Variants in DPYD observed in about 807,000 individuals in gnomAD.
The protein encoded by DPYD is dihydropyrimidine dehydrogenase.
In DPYD, 109 loss-of-function variants were observed where a neutral mutation model predicts 116.2. The observed-to-expected ratio is 0.94, with a 90% CI of 0.80 to 1.10. DPYD has a LOEUF of 1.10. Ranked by LOEUF, DPYD falls within the 50% of genes least tolerant of loss-of-function variation. The pLI, the probability that DPYD is intolerant of heterozygous loss-of-function variation, is 0.00. For synonymous variants in DPYD, 440 were observed against 432.0 expected (o/e 1.02, Z -0.23); for missense variants, 1,302 against 1,254.5 (o/e 1.04, Z -0.57).
At chr1:97,280,525 T>C (rs557084186) in intron 18 of DPYD, among the ~76,000 whole-genome samples, 18 of 152,010 alleles carry the variant, frequency 1.2e-4, no homozygotes, top group Admixed American at 1.1e-3. Context: ...ATAAAGAAAA[T>C]GTGGTATGTA....
intron 13 of DPYD, among the ~76,000 whole-genome samples, chr1:97,506,977 T>G (rs1647383624): frequency 6.6e-6 from 1 of 151,980 alleles, no homozygotes; most frequent in African/African-American, 2.4e-5. Flanking sequence ...CTTGCAAGAT[T>G]TAGCTTCAAT....
At chr1:97,340,439 G>A (rs1434967495) in intron 16 of DPYD, among the ~76,000 whole-genome samples, 1 of 152,134 alleles carries the variant, frequency 6.6e-6, no homozygotes, top group African/African-American at 2.4e-5. Context: ...GGAGGCCAAG[G>A]TAGGAGGGCC....
At chr1:97,789,943 C>CA (rs1242886954) in intron 3 of DPYD, among the ~76,000 whole-genome samples, 3 of 151,784 alleles carry the variant, frequency 2.0e-5, no homozygotes, top group African/African-American at 4.8e-5. Context: ...TTTTGAAAAA[C>CA]AAAAAACGAA....
At chr1:97,107,038 A>C (rs915907835) in intron 20 of DPYD, among the ~76,000 whole-genome samples, 11 of 152,096 alleles carry the variant, frequency 7.2e-5, no homozygotes, top group Admixed American at 5.2e-4. Context: ...ACAGAGAACC[A>C]ACACTGACTA....
chr1:97,280,749 G>T (rs1040391861), intron 18 of DPYD, among the ~76,000 whole-genome samples: 1 of 152,000 alleles, frequency 6.6e-6, no homozygotes, highest in Non-Finnish European at 1.5e-5. Flanking sequence ...GGGGTAGGGG[G>T]AGCAGGGGCC....
intron 10 of DPYD, among the ~76,000 whole-genome samples, chr1:97,584,618 C>T (rs1653950258): frequency 6.6e-6 from 1 of 151,614 alleles, no homozygotes; most frequent in South Asian, 2.1e-4. Flanking sequence ...ACTATGCAGC[C>T]ATAAAAAATG....
intron 14 of DPYD, among the ~76,000 whole-genome samples, chr1:97,413,159 A>G (rs1032986426): frequency 6.6e-6 from 1 of 152,236 alleles, no homozygotes. Context: ...TTTACTAAAT[A>G]AAAGAATGAA....
intron 8 of DPYD, among the ~76,000 whole-genome samples, chr1:97,651,980 A>G (rs1035965122): frequency 1.1e-4 from 17 of 152,212 alleles, no homozygotes; most frequent in African/African-American, 3.9e-4. Context: ...CCACAAAAAG[A>G]AAATGGAACA....
chr1:97,653,879 T>C (rs1045696773), intron 8 of DPYD, among the ~76,000 whole-genome samples: 1 of 152,178 alleles, frequency 6.6e-6, no homozygotes, highest in African/African-American at 2.4e-5. Flanking sequence ...ATGGTCCTTA[T>C]ACGAAATAAT....
Position 97,854,485 on chromosome 1 carries a change from C to A in DPYD, c.151-26289G>T, listed in dbSNP as rs12093707. On this transcript the variant is annotated intron_variant, in intron 2 of 22. Transcript: ENST00000370192. Reference sequence around the variant, plus strand: ...AAGCTCAGGTGCCCCAACACTCCTACCATGGGAGCAGAGAGAGTTCTATTC... The same window carrying A: ...AAGCTCAGGTGCCCCAACACTCCTAACATGGGAGCAGAGAGAGTTCTATTC... Among the ~76,000 whole-genome samples the A allele has an allele frequency of 6.1e-3, 932 of 152,308 alleles. 8 individuals are homozygous for A. Among genetic ancestry groups the A allele is most frequent in the African/African-American group, 0.021 (881 of 41,566 alleles).
chr1:97,567,898 T>C (rs1369188980), intron 11 of DPYD, among the ~76,000 whole-genome samples: 1 of 152,012 alleles, frequency 6.6e-6, no homozygotes, highest in Non-Finnish European at 1.5e-5. Context: ...ATACTTTAAG[T>C]TTTAGGGTAC....
intron 2 of DPYD, among the ~76,000 whole-genome samples, chr1:97,862,748 A>G (rs1359669621): frequency 6.6e-6 from 1 of 151,956 alleles, no homozygotes; most frequent in Non-Finnish European, 1.5e-5. Flanking sequence ...TTTACTCTCA[A>G]TAAACATTAG....
chr1:97,292,722 GCACACACA>G (rs71765073), intron 18 of DPYD, among the ~76,000 whole-genome samples: 6,194 of 149,916 alleles, frequency 0.041, 165 homozygotes, highest in Middle Eastern at 0.11. Flanking sequence ...ACACGCGCGA[GCACACACA>G]CACACACACA....
chr1:97,885,093 T>C (rs1180168140), intron 1 of DPYD, among the ~76,000 whole-genome samples: 2 of 152,024 alleles, frequency 1.3e-5, no homozygotes, highest in East Asian at 3.9e-4. Context: ...CCTCTGTCCA[T>C]GATTTGTTCA....
At chr1:97,543,969 G>A (rs554528714) in intron 12 of DPYD, among the ~76,000 whole-genome samples, 96 of 152,238 alleles carry the variant, frequency 6.3e-4, no homozygotes, top group African/African-American at 2.2e-3. Flanking sequence ...GGGTGAAGTG[G>A]GGGAAAGGCC....
intron 19 of DPYD, among the ~76,000 whole-genome samples, chr1:97,196,433 A>G (rs1404992355): frequency 1.3e-5 from 2 of 152,106 alleles, no homozygotes; most frequent in Non-Finnish European, 2.9e-5. Context: ...TATTTTTTTA[A>G]AGAATGAAAA....
intron 13 of DPYD, among the ~76,000 whole-genome samples, chr1:97,479,646 A>G (rs906899623): frequency 2.6e-5 from 4 of 152,228 alleles, no homozygotes; most frequent in African/African-American, 9.6e-5. Context: ...GAATGACATC[A>G]ACAGACTTGC....
chr1:97,920,876 G>A lies in DPYD; in HGVS notation c.39+8C>T. 1 of 1,591,916 alleles carries A rather than the reference G, an allele frequency of 6.3e-7. No homozygotes were observed. The highest frequency in any genetic ancestry group is 1.7e-5 in the Admixed American group (1 of 57,992). On this transcript the variant is annotated splice_region_variant and intron_variant, in intron 1 of 22. Coordinates refer to ENST00000370192, the MANE Select transcript of DPYD (RefSeq NM_000110.4). Reference sequence around the variant, plus strand: ...GCCACCACCGACGAGCCGGCGCGAAGTCCGTACCTCGATGTCCGCCGAGTC... The same window carrying A: ...GCCACCACCGACGAGCCGGCGCGAAATCCGTACCTCGATGTCCGCCGAGTC...
intron 4 of DPYD, among the ~76,000 whole-genome samples, chr1:97,739,663 G>C (rs1333972009): frequency 6.6e-6 from 1 of 152,060 alleles, no homozygotes; most frequent in Non-Finnish European, 1.5e-5. Context: ...AGGATTCTCT[G>C]TATCTTTATG....
Sources: gnomAD v4.1 joint callset for allele counts (sites outside exome capture counted in the v4.1 genomes callset) on GRCh38, gnomAD v4.1.1 for gene constraint, MANE v1.5 for transcripts, NCBI Gene and HGNC (gene_info 2026-07-23, HGNC 2026-07-21) for gene names.